Variants in AMZ1 observed in about 807,000 individuals in gnomAD.
The protein encoded by AMZ1 is archaelysin family metallopeptidase 1.
A neutral mutation model predicts 29.9 loss-of-function variants in AMZ1; 39 were observed. That is an observed-to-expected ratio of 1.30 (90% CI 1.01 to 1.70). The LOEUF (loss-of-function observed/expected upper bound fraction) is 1.70. Among genes scored for constraint, AMZ1 ranks in the 40% most tolerant of loss-of-function variants. AMZ1 has a pLI of 0.00. For synonymous variants in AMZ1, 458 were observed against 304.0 expected (o/e 1.51, Z -5.27); for missense variants, 1,041 against 680.6 (o/e 1.53, Z -5.89).
intron 4 of AMZ1, chr7:2,728,661 GAAATTA>G (rs1789730229): frequency 6.6e-6 from 1 of 152,478 alleles, no homozygotes; most frequent in Non-Finnish European, 1.5e-5. Flanking sequence ...GATTAACAGT[GAAATTA>G]AAATTAAAAA....
At chr7:2,738,718 AATT>A (rs1562396042) in intron 4 of AMZ1, among the ~76,000 whole-genome samples, 1 of 152,190 alleles carries the variant, frequency 6.6e-6, no homozygotes, top group Non-Finnish European at 1.5e-5. Flanking sequence ...ATTAAAAAAA[AATT>A]AAATAAAAAA....
intron 4 of AMZ1, among the ~76,000 whole-genome samples, chr7:2,750,824 G>C (rs1224456814): frequency 6.6e-6 from 1 of 152,192 alleles, no homozygotes; most frequent in African/African-American, 2.4e-5. Context: ...CTCAGAACCA[G>C]ATTCGGATAT....
downstream of AMZ1, among the ~76,000 whole-genome samples, chr7:2,721,213 A>C (rs1293397735): frequency 1.3e-5 from 2 of 152,132 alleles, no homozygotes; most frequent in Non-Finnish European, 1.5e-5. Context: ...GGGAGGGTGG[A>C]GCTCAGGAGT....
In AMZ1 at chr7:2,712,900, T is replaced by A. The variant is rs770257174; in HGVS notation, c.*22T>A. ...TTAGTACAGCAGGGGCTGCCCTACG[T>A]CTCCTTCCCTAAGGATGCTGGCCAG... On this transcript the variant is annotated 3_prime_UTR_variant, in exon 7 of 7. Transcript: ENST00000683327. 6.6e-7 allele frequency: 1 copy of A among 1,507,148 alleles called. No individual in the cohort carries two copies. The highest frequency in any genetic ancestry group is 8.9e-7 in the Non-Finnish European group (1 of 1,127,928). The allele number at this position is 1,507,148 out of a possible 1,614,324, so 93.4% of individuals were successfully genotyped here. A position where few individuals can be genotyped will look rare whatever the true frequency, so the allele number is the denominator to read the frequency against.
rs1244331970 is a variant in AMZ1 at position 2,709,824 on chromosome 7, G to A, written c.948+8G>A. The A allele has an allele frequency of 6.2e-7, 1 of 1,610,828 alleles. No individual in the cohort carries two copies. Among genetic ancestry groups the A allele is most frequent in the Admixed American group, 1.7e-5 (1 of 59,800 alleles). On this transcript the variant is annotated splice_region_variant and intron_variant, in intron 6 of 6. Transcript: ENST00000683327. ...CTCATCGAGAGGTACCAGGTGAGTG[G>A]CTGAGTTGCGCTGCCCGGCTGCTGG... is the stretch of plus-strand genomic sequence containing the variant.
intron 4 of AMZ1, among the ~76,000 whole-genome samples, chr7:2,745,262 C>G (rs1790711180): frequency 6.6e-6 from 1 of 152,126 alleles, no homozygotes; most frequent in Non-Finnish European, 1.5e-5. Context: ...TTAAGGGCAG[C>G]CAGAGAGAAA....
chr7:2,739,114 C>G (rs577137681), intron 4 of AMZ1, among the ~76,000 whole-genome samples: 2 of 152,224 alleles, frequency 1.3e-5, no homozygotes, highest in Non-Finnish European at 1.5e-5. Flanking sequence ...AGGGGTGCCA[C>G]GCCGGGCCCC....
intron 4 of AMZ1, among the ~76,000 whole-genome samples, chr7:2,727,150 C>T (rs976717774): frequency 7.9e-5 from 12 of 152,122 alleles, no homozygotes; most frequent in African/African-American, 2.2e-4. Flanking sequence ...GGCATGATCT[C>T]GGCTCACTGC....
At position 2,717,531 on chromosome 7, in the gene AMZ1, G is replaced by A. The variant is rs1296417516; in HGVS notation, c.*4653G>A. Among the ~76,000 whole-genome samples, 1 of 152,200 alleles carries A rather than the reference G, an allele frequency of 6.6e-6. No homozygotes were observed. Among genetic ancestry groups the A allele is most frequent in the Non-Finnish European group, 1.5e-5 (1 of 68,036 alleles). On this transcript the variant is annotated 3_prime_UTR_variant, in exon 7 of 7. Transcript: ENST00000683327. ...GCTGAAATCTAGCTGTGATCCCTGT[G>A]GGGCAACTGCACACAGAGGTGCCCA...
At chr7:2,709,022 C>G in intron 4 of AMZ1, 53 bp from the exon 5 acceptor site, 1 of 1,516,598 alleles carries the variant, frequency 6.6e-7, no homozygotes, top group South Asian at 1.3e-5. Flanking sequence ...ACGGTGGGCC[C>G]CCCAGAGCCA....
chr7:2,741,426 C>T lies in AMZ1; in HGVS notation n.551-23286C>T, dbSNP rs117475560. 9.2e-3 allele frequency among the ~76,000 whole-genome samples: 1,402 copies of T among 152,246 alleles called. 12 individuals are homozygous for T. The highest frequency in any genetic ancestry group is 0.071 in the Middle Eastern group (21 of 294). ...AGCTCACCCAGTTTCCAGAGGCTTC[C>T]ACCACAGAATCTCTAAAACCCAGCA... is the stretch of plus-strand genomic sequence containing the variant. On this transcript the variant is annotated intron_variant and non_coding_transcript_variant, in intron 4 of 4. Coordinates refer to the AMZ1 transcript ENST00000489665.
intron 4 of AMZ1, among the ~76,000 whole-genome samples, chr7:2,753,937 C>G (rs1003445023): frequency 8.5e-5 from 13 of 152,132 alleles, no homozygotes; most frequent in African/African-American, 3.1e-4. Flanking sequence ...AATCCGACCA[C>G]GAGCTCTGTA....
At chr7:2,687,076 C>A (rs1451980479), upstream of AMZ1, among the ~76,000 whole-genome samples, 3 of 151,864 alleles carry the variant, frequency 2.0e-5, no homozygotes, top group East Asian at 5.9e-4. Flanking sequence ...CGCCTGTACT[C>A]CCAGCACTTT....
At chr7:2,728,882 G>A (rs1789741409) in intron 4 of AMZ1, 2 of 152,448 alleles carry the variant, frequency 1.3e-5, no homozygotes, top group Non-Finnish European at 2.9e-5. Context: ...AAGGCCAAGT[G>A]CCTCGGCCAG....
intron 3 of AMZ1, among the ~76,000 whole-genome samples, chr7:2,703,682 C>G (rs1396384872): frequency 3.9e-5 from 6 of 152,254 alleles, no homozygotes; most frequent in African/African-American, 1.4e-4. Context: ...GGATGGACAG[C>G]TTTCATCAGT....
At chr7:2,738,353 C>T (rs1409862365) in intron 4 of AMZ1, among the ~76,000 whole-genome samples, 22 of 152,078 alleles carry the variant, frequency 1.4e-4, no homozygotes, top group Admixed American at 1.4e-3. Context: ...CAAGCTGTCA[C>T]TGCAGGAAAC....
chr7:2,709,332 T>C, intron 5 of AMZ1, 88 bp downstream of exon 5: 1 of 1,316,196 alleles, frequency 7.6e-7, no homozygotes, highest in Non-Finnish European at 1.0e-6. Context: ...TGCCCCATCC[T>C]CACAGTGAAG....
chr7:2,681,310 C>T (rs146110826), intron 1 of AMZ1, among the ~76,000 whole-genome samples: 10 of 152,300 alleles, frequency 6.6e-5, no homozygotes, highest in Admixed American at 1.3e-4. Flanking sequence ...GCAGCCTTGA[C>T]CTCCCCGGCC....
upstream of AMZ1, among the ~76,000 whole-genome samples, chr7:2,687,119 G>C (rs111403562): frequency 0.068 from 10,317 of 152,018 alleles, 512 homozygotes; most frequent in Non-Finnish European, 0.094. Flanking sequence ...ATGAGGTCAA[G>C]AGTTTGATAC....
Sources: gnomAD v4.1 joint callset for allele counts (sites outside exome capture counted in the v4.1 genomes callset) on GRCh38, gnomAD v4.1.1 for gene constraint, MANE v1.5 for transcripts, NCBI Gene and HGNC (gene_info 2026-07-23, HGNC 2026-07-21) for gene names.